The following ABCA9 variants were observed in gnomAD, a reference collection of about 807,000 sequenced individuals.
ABCA9 encodes the protein ATP-binding cassette sub-family A member 9.
ABCA9 carries 183 observed loss-of-function variants against 205.3 expected under a neutral mutation model. The ratio of observed to expected loss-of-function variants is 0.89; its 90% CI spans 0.79 to 1.01. ABCA9 has a LOEUF of 1.01. Ranked by LOEUF, ABCA9 falls within the 50% of genes least tolerant of loss-of-function variation. The probability of loss-of-function intolerance (pLI) is 0.00; values close to 1 mark genes in which losing one functional copy is unlikely to be tolerated. For missense variants in ABCA9, 1,805 were observed against 1,912.4 expected (o/e 0.94, Z 1.05); for synonymous variants, 651 against 683.3 (o/e 0.95, Z 0.74).
At chr17:69,017,569 G>A in intron 21 of ABCA9, 87 bp downstream of exon 21, 2 of 1,418,950 alleles carry the variant, frequency 1.4e-6, no homozygotes, top group Admixed American at 4.1e-5. Context: ...GTGTGAAATT[G>A]GCCTTTCATT....
rs558789331 is a variant in ABCA9, at chr17:68,985,169, C to T, written c.4209-41G>A. On this transcript the variant is annotated intron_variant, in intron 32 of 38. Transcript: ENST00000340001. ...TCAATCCACATAATCCCAACACTGG[C>T]GAATGTACATGGGAGAATGAGCAAA... The T allele has an allele frequency of 7.9e-5, 128 of 1,613,424 alleles. 2 individuals carry two copies. In the South Asian group the frequency reaches 1.1e-3, roughly 14 times the overall value.
chr17:69,072,039 T>C, the ABCA9 span, among the ~76,000 whole-genome samples: 1 of 151,796 alleles, frequency 6.6e-6, no homozygotes, highest in African/African-American at 2.4e-5. Context: ...GAAGACAAGA[T>C]TAGAGAAAAA....
chr17:69,024,938 T>TG (rs2070932329), intron 16 of ABCA9, among the ~76,000 whole-genome samples: 1 of 152,170 alleles, frequency 6.6e-6, no homozygotes. Flanking sequence ...GAAACTCCAC[T>TG]GTTAATCACA....
rs1407562724 is a variant in ABCA9 at position 69,023,863 on chromosome 17, G to A, written c.2281+351C>T. ...TCTTTCAGCTCTTCTTCGATAGTCT[G>A]CCACTGTATTTATATACCTGTTCCT... On this transcript the variant is annotated intron_variant, in intron 17 of 38. Transcript: ENST00000340001. The surrounding 1 kb of genome is among the most constrained non-coding windows in gnomAD (Gnocchi z 4.2). Among the ~76,000 whole-genome samples, 1 of 148,346 alleles carries A rather than the reference G, an allele frequency of 6.7e-6. No homozygotes were observed. Among genetic ancestry groups the A allele is most frequent in the African/African-American group, 2.6e-5 (1 of 38,178 alleles).
At chr17:69,072,008 C>G in the ABCA9 span, among the ~76,000 whole-genome samples, 1 of 152,038 alleles carries the variant, frequency 6.6e-6, no homozygotes, top group Non-Finnish European at 1.5e-5. Flanking sequence ...GATTGGAGAT[C>G]ATCTTAATGA....
chr17:69,057,909 T>C (rs1388890469), intron 1 of ABCA9, among the ~76,000 whole-genome samples: 6 of 152,170 alleles, frequency 3.9e-5, no homozygotes, highest in Non-Finnish European at 8.8e-5. Context: ...GCATTAGGTA[T>C]TGTAAGTAAG....
chr17:68,983,422 T>G (rs1190212898), intron 36 of ABCA9, among the ~76,000 whole-genome samples: 4 of 152,110 alleles, frequency 2.6e-5, no homozygotes, highest in Non-Finnish European at 4.4e-5. Context: ...GGTTTTACCC[T>G]CTAGAAGGAA....
In ABCA9 at chr17:68,984,091, A is replaced by G. The variant is rs141472696; in HGVS notation, c.4464T>C (p.Cys1488=). 2.5e-6 allele frequency: 4 copies of G among 1,614,130 alleles called. No homozygotes were observed. The African/African-American group carries it at 5.3e-5, about 22-fold the overall frequency. The change falls in exon 35 of 39, where the codon TGT becomes TGC. Residue 1488 remains cysteine (C), a synonymous_variant. Coordinates refer to ENST00000340001, the MANE Select transcript of ABCA9 (RefSeq NM_080283.4). ...THYMAEAEAV[C]DRVAIMVSGR... Reference sequence around the variant, plus strand: ...CTGACACCATGATGGCCACTCGGTCACACACCGCCTCAGCCTCTGCCATGT... The same window carrying G: ...CTGACACCATGATGGCCACTCGGTCGCACACCGCCTCAGCCTCTGCCATGT...
intron 25 of ABCA9, among the ~76,000 whole-genome samples, chr17:69,004,158 T>G (rs2144141001): frequency 6.6e-6 from 1 of 152,352 alleles, no homozygotes; most frequent in East Asian, 1.9e-4. Context: ...CCGTTGCTGG[T>G]GAGGAGCTGC....
At chr17:69,045,149 T>A (rs770498682) in intron 4 of ABCA9, 23 bp downstream of exon 4, 18 of 1,605,430 alleles carry the variant, frequency 1.1e-5, no homozygotes, top group African/African-American at 4.0e-5. Flanking sequence ...GCAAAAAAAA[T>A]TTTTTTCTTC....
chr17:69,032,459 G>A, intron 9 of ABCA9, 183 bp from the exon 10 acceptor site: 1 of 491,730 alleles, frequency 2.0e-6, no homozygotes, highest in South Asian at 4.4e-5. Context: ...TAACAGAGAT[G>A]GCTAATATGA....
chr17:69,050,992 A>G (rs757579771), intron 2 of ABCA9, 39 bp downstream of exon 2: 2 of 1,573,630 alleles, frequency 1.3e-6, no homozygotes, highest in Non-Finnish European at 1.7e-6. Context: ...ATACTTTTTC[A>G]TCCTCTAAAT....
At chr17:68,976,340 T>C in intron 37 of ABCA9, 150 bp from the exon 38 acceptor site, 1 of 662,044 alleles carries the variant, frequency 1.5e-6, no homozygotes, top group East Asian at 2.8e-5. Context: ...GCAAACGCGA[T>C]ATAGTCATAT....
chr17:69,016,133 C>T, intron 22 of ABCA9, 120 bp downstream of exon 22: 1 of 506,866 alleles, frequency 2.0e-6, no homozygotes, highest in Non-Finnish European at 3.3e-6. Context: ...TACACACACA[C>T]ACACACACAC....
In ABCA9 at chr17:68,992,163, G is replaced by T; in HGVS notation, c.3716+12C>A. The T allele has an allele frequency of 2.0e-6, 3 of 1,530,052 alleles. No homozygotes were observed. The highest frequency in any genetic ancestry group is 2.5e-5 in the South Asian group (2 of 80,388). The allele number at this position is 1,530,052 out of a possible 1,614,324, so 94.8% of individuals were successfully genotyped here. A position where few individuals can be genotyped will look rare whatever the true frequency, so the allele number is the denominator to read the frequency against. On this transcript the variant is annotated intron_variant, in intron 28 of 38. Coordinates refer to ENST00000340001, the MANE Select transcript of ABCA9 (RefSeq NM_080283.4). ...CAAAATGAAACATGAAATTCGATTT[G>T]ATTTTCTCAACCTGAACACAGGATC...
At chr17:68,991,591 C>T (rs976308588) in intron 28 of ABCA9, among the ~76,000 whole-genome samples, 2 of 152,160 alleles carry the variant, frequency 1.3e-5, no homozygotes, top group African/African-American at 4.8e-5. Flanking sequence ...TGGCTGTCAT[C>T]TTGTCACTCT....
chr17:68,988,847 A>C (rs1420671900), intron 31 of ABCA9, among the ~76,000 whole-genome samples, 180 bp downstream of exon 31: 1 of 152,258 alleles, frequency 6.6e-6, no homozygotes, highest in Non-Finnish European at 1.5e-5. Context: ...TATATATGAT[A>C]TGTAGCCCTT....
intron 1 of ABCA9, among the ~76,000 whole-genome samples, chr17:69,051,919 G>A (rs2071912816): frequency 1.3e-5 from 2 of 152,180 alleles, no homozygotes; most frequent in Admixed American, 6.5e-5. Context: ...TTGGAAGTGG[G>A]AAATAAGAAT....
At chr17:69,076,371 G>A in the ABCA9 span, among the ~76,000 whole-genome samples, 1 of 152,082 alleles carries the variant, frequency 6.6e-6, no homozygotes, top group African/African-American at 2.4e-5. Context: ...GTTAAGGCAA[G>A]TTGATCATGG....
Sources: allele counts gnomAD v4.1 joint callset (sites outside exome capture counted in the v4.1 genomes callset), GRCh38; gene constraint gnomAD v4.1.1; non-coding constraint Gnocchi (gnomAD v3.1); transcripts MANE v1.5; gene names NCBI Gene and HGNC (gene_info 2026-07-23, HGNC 2026-07-21).